STON1: variants seen among roughly 807,000 people sequenced by gnomAD.
STON1 encodes stonin-1.
In STON1, 79 loss-of-function variants were observed where a neutral mutation model predicts 60.9. The observed-to-expected ratio is 1.30, with a 90% CI of 1.08 to 1.56. The LOEUF is 1.56. STON1 is among the 40% of genes most tolerant of loss of function. The pLI is 0.00. For synonymous variants in STON1, 363 were observed against 306.9 expected (o/e 1.18, Z -1.91); for missense variants, 1,166 against 858.9 (o/e 1.36, Z -4.47).
chr2:48,570,586 G>C (rs1445172847), intron 1 of STON1, among the ~76,000 whole-genome samples: 1 of 152,000 alleles, frequency 6.6e-6, no homozygotes, highest in Non-Finnish European at 1.5e-5. Context: ...TGAGGTCTAA[G>C]GTTGCAAACC....
chr2:48,597,343 C>G lies in STON1; in HGVS notation c.*2041C>G, dbSNP rs1293053514. On this transcript the variant is annotated 3_prime_UTR_variant, in exon 4 of 4. Transcript: ENST00000404752. ...TGCTCAGAACGAATGTGGAGGCCGG[C>G]CGAAACTGATGCTGCCCACAGTCCC... is the stretch of plus-strand genomic sequence containing the variant. 1.3e-5 allele frequency: 2 copies of G among 152,144 alleles called. No individual in the cohort carries two copies. The highest frequency in any genetic ancestry group is 4.8e-5 in the African/African-American group (2 of 41,426). 9.4% of individuals were successfully genotyped at this position (152,144 alleles called of 1,614,324 possible).
chr2:48,541,696 T>C, intron 1 of STON1, among the ~76,000 whole-genome samples: 1 of 63,140 alleles, frequency 1.6e-5, no homozygotes, highest in Non-Finnish European at 2.7e-5. Flanking sequence ...TGAAACTTCG[T>C]CTCAAAAAAA....
intron 1 of STON1, among the ~76,000 whole-genome samples, chr2:48,535,069 A>G (rs1236949380): frequency 6.6e-6 from 1 of 152,094 alleles, no homozygotes; most frequent in Non-Finnish European, 1.5e-5. Flanking sequence ...GATCAGGCAA[A>G]TTATGTCTTC....
chr2:48,569,506 A>G lies in STON1; in HGVS notation c.-47-11081A>G, dbSNP rs138787682. On this transcript the variant is annotated intron_variant, in intron 1 of 3. Coordinates refer to ENST00000404752, the MANE Select transcript of STON1 (RefSeq NM_006873.4). ...GTGGAAAAGTGAAAAGACCATTTAA[A>G]ATTATTCAATCAGAAATGTATTAAG... Among the ~76,000 whole-genome samples the G allele has an allele frequency of 3.8e-3, 586 of 152,350 alleles. 4 individuals carry two copies. Among genetic ancestry groups the G allele is most frequent in the African/African-American group, 0.013 (549 of 41,590 alleles).
chr2:48,589,156 C>T (rs1232536819), intron 2 of STON1, among the ~76,000 whole-genome samples: 1 of 152,158 alleles, frequency 6.6e-6, no homozygotes, highest in African/African-American at 2.4e-5. Context: ...GCCCTGTCAT[C>T]AGCACGTTGG....
intron 1 of STON1, among the ~76,000 whole-genome samples, chr2:48,564,405 G>GTCTTCTTCC (rs1558603784): frequency 0.014 from 1,158 of 83,064 alleles, 367 homozygotes; most frequent in South Asian, 0.023. Flanking sequence ...CAGTGGCGGT[G>GTCTTCTTCC]TCTTCTTCTT....
At chr2:48,532,159 C>G (rs1423946997) in intron 1 of STON1, among the ~76,000 whole-genome samples, 3 of 151,860 alleles carry the variant, frequency 2.0e-5, no homozygotes, top group South Asian at 2.1e-4. Flanking sequence ...ACCAGCCTGG[C>G]CAACCTGATG....
chr2:48,598,071 C>G lies in STON1; in HGVS notation c.*2769C>G, dbSNP rs1295347690. ...TTCCAAGGAGTTGACCAGTTTGTGA[C>G]TAGTCTGGTCACCTTTCCAGTTACA... is the stretch of plus-strand genomic sequence containing the variant. On this transcript the variant is annotated 3_prime_UTR_variant, in exon 4 of 4. Coordinates refer to ENST00000404752, the MANE Select transcript of STON1 (RefSeq NM_006873.4). 2 of 152,162 alleles carry G rather than the reference C, an allele frequency of 1.3e-5. No individual in the cohort carries two copies. The highest frequency in any genetic ancestry group is 4.8e-5 in the African/African-American group (2 of 41,434). The allele number at this position is 152,162 out of a possible 1,614,324, so 9.4% of individuals were successfully genotyped here.
intron 1 of STON1, among the ~76,000 whole-genome samples, chr2:48,564,449 C>T (rs532489919): frequency 1.9e-5 from 1 of 52,568 alleles, no homozygotes; most frequent in African/African-American, 7.1e-5. Flanking sequence ...TCTTCTTCTT[C>T]TTCTTCTTCT....
chr2:48,564,956 C>T (rs960679290), intron 1 of STON1, among the ~76,000 whole-genome samples: 1 of 148,326 alleles, frequency 6.7e-6, no homozygotes, highest in Non-Finnish European at 1.5e-5. Context: ...TGGTCTTGAA[C>T]TCCTGATATC....
chr2:48,582,723 T>A (rs1165039692), intron 2 of STON1, among the ~76,000 whole-genome samples, 160 bp downstream of exon 2: 1 of 152,202 alleles, frequency 6.6e-6, no homozygotes, highest in Non-Finnish European at 1.5e-5. Flanking sequence ...GCTGGTTTAT[T>A]TGTTTCCTTT....
At chr2:48,570,507 G>A (rs1378787212) in intron 1 of STON1, among the ~76,000 whole-genome samples, 1 of 152,058 alleles carries the variant, frequency 6.6e-6, no homozygotes, top group Non-Finnish European at 1.5e-5. Context: ...CCTAAATATG[G>A]GGAGTGCTAA....
intron 1 of STON1, among the ~76,000 whole-genome samples, chr2:48,567,566 C>T (rs1371592413): frequency 1.3e-5 from 2 of 152,124 alleles, no homozygotes; most frequent in South Asian, 2.1e-4. Context: ...CGCCCACCAC[C>T]GTGCCCGGCT....
At chr2:48,530,353 C>T (rs976135889) in intron 1 of STON1, 137 bp downstream of exon 1, 19 of 267,550 alleles carry the variant, frequency 7.1e-5, no homozygotes, top group African/African-American at 4.5e-4. Context: ...GGCGCCTCCC[C>T]ATCTCCCCGC....
At chr2:48,544,872 T>C (rs112821516) in intron 1 of STON1, among the ~76,000 whole-genome samples, 1 of 152,198 alleles carries the variant, frequency 6.6e-6, no homozygotes, top group Non-Finnish European at 1.5e-5. Flanking sequence ...ACAAACCTTG[T>C]TTTTGTTGGC....
rs771827097 is a variant in STON1 at position 48,581,146 on chromosome 2, C to G, written c.513C>G (p.Pro171=). Residue 171 remains proline, a synonymous_variant, in exon 2 of 4, where the codon CCC becomes CCG. Coordinates refer to ENST00000404752, the MANE Select transcript of STON1 (RefSeq NM_006873.4). ...ESLGFQSDDL[P]QFQYFREDCA... ...TAGGATTCCAAAGTGATGATCTCCC[C>G]CAGTTTCAGTATTTTCGAGAGGACT... 6.4e-7 allele frequency: 1 copy of G among 1,568,408 alleles called. No individual in the cohort carries two copies. The highest frequency in any genetic ancestry group is 8.6e-7 in the Non-Finnish European group (1 of 1,164,772).
intron 1 of STON1, among the ~76,000 whole-genome samples, chr2:48,551,242 T>C (rs777485117): frequency 6.6e-6 from 1 of 152,176 alleles, no homozygotes; most frequent in Admixed American, 6.5e-5. Context: ...GGTTGGACTA[T>C]AGATGGGTGT....
At chr2:48,573,527 G>C (rs1673325339) in intron 1 of STON1, among the ~76,000 whole-genome samples, 1 of 152,048 alleles carries the variant, frequency 6.6e-6, no homozygotes, top group African/African-American at 2.4e-5. Flanking sequence ...GAGTGACAGA[G>C]TGGTGCCCAG....
chr2:48,535,547 T>C lies in STON1; in HGVS notation c.-48+5331T>C, dbSNP rs537416853. 5.3e-5 allele frequency among the ~76,000 whole-genome samples: 8 copies of C among 152,248 alleles called. No homozygotes were observed. In the East Asian group the frequency reaches 1.5e-3, roughly 29 times the overall value. ...GGCCCATCACATAACAAACATGCCT[T>C]AAGAAGAAGGCTTTCAGCTGGGCGC... On this transcript the variant is annotated intron_variant, in intron 1 of 3. Transcript: ENST00000404752.
Sources: allele counts gnomAD v4.1 joint callset (sites outside exome capture counted in the v4.1 genomes callset), GRCh38; gene constraint gnomAD v4.1.1; transcripts MANE v1.5; gene names NCBI Gene and HGNC (gene_info 2026-07-23, HGNC 2026-07-21).